Variants in STPG2 observed in about 807,000 individuals in gnomAD.
STPG2 encodes the protein sperm tail PG-rich repeat containing 2, also known as sperm-tail PG-rich repeat-containing protein 2.
In STPG2, 56 loss-of-function variants were observed where a neutral mutation model predicts 54.2. The ratio of observed to expected loss-of-function variants is 1.03; its 90% CI spans 0.83 to 1.29. STPG2 has a LOEUF of 1.29. Among genes scored for constraint, STPG2 ranks in the 50% most tolerant of loss-of-function variants. STPG2 has a pLI of 0.00. For missense variants in STPG2, 596 were observed against 544.9 expected (o/e 1.09, Z -0.93); for synonymous variants, 200 against 181.8 (o/e 1.10, Z -0.81).
At chr4:98,020,875 C>G (rs1360591377) in intron 5 of STPG2, among the ~76,000 whole-genome samples, 2 of 152,184 alleles carry the variant, frequency 1.3e-5, no homozygotes, top group East Asian at 3.9e-4. Context: ...TCCCCTTTAT[C>G]ATTTTTTATT....
chr4:97,496,537 G>A (rs922124549), intron 4 of STPG2, among the ~76,000 whole-genome samples: 2 of 151,832 alleles, frequency 1.3e-5, no homozygotes, highest in Middle Eastern at 3.4e-3. Context: ...GCACTGCCAT[G>A]GTTACCCAGC....
chr4:97,621,255 C>A (rs1734002723), intron 10 of STPG2, among the ~76,000 whole-genome samples: 1 of 151,918 alleles, frequency 6.6e-6, no homozygotes, highest in African/African-American at 2.4e-5. Context: ...AGCAAATAAA[C>A]CCCAAAACTA....
intron 9 of STPG2, among the ~76,000 whole-genome samples, chr4:97,782,867 G>A (rs1046461653): frequency 1.3e-4 from 20 of 152,168 alleles, no homozygotes; most frequent in Middle Eastern, 3.2e-3. Flanking sequence ...TGGGAAAACC[G>A]GCTAGCCATA....
chr4:97,678,422 G>C (rs1001652768), intron 10 of STPG2, among the ~76,000 whole-genome samples: 5 of 151,874 alleles, frequency 3.3e-5, no homozygotes, highest in Non-Finnish European at 5.9e-5. Flanking sequence ...TAATAGTTTA[G>C]GGTAGATATA....
At chr4:97,741,701 A>G (rs1318473855) in intron 9 of STPG2, among the ~76,000 whole-genome samples, 3 of 152,138 alleles carry the variant, frequency 2.0e-5, no homozygotes, top group African/African-American at 7.2e-5. Context: ...AATCATTAAA[A>G]AGTCAGGAAA....
chr4:97,499,314 A>G (rs1730676910), intron 4 of STPG2, among the ~76,000 whole-genome samples: 1 of 152,016 alleles, frequency 6.6e-6, no homozygotes. Context: ...ATTCAGCTGC[A>G]GCTAAGGCAT....
intron 8 of STPG2, among the ~76,000 whole-genome samples, chr4:97,903,619 C>T (rs557619525): frequency 5.3e-5 from 8 of 152,224 alleles, no homozygotes; most frequent in African/African-American, 1.7e-4. Flanking sequence ...CCAAGATGGC[C>T]GAATAGCAAC....
intron 10 of STPG2, among the ~76,000 whole-genome samples, chr4:97,707,453 C>T (rs1207717077): frequency 6.6e-6 from 1 of 151,934 alleles, no homozygotes; most frequent in East Asian, 1.9e-4. Context: ...CCTAGGAGGT[C>T]AAGGCTACAG....
Position 98,088,869 on chromosome 4 carries a change from A to G in STPG2, c.612+17084T>C, listed in dbSNP as rs1369261186. Among the ~76,000 whole-genome samples the G allele has an allele frequency of 2.0e-5, 3 of 152,094 alleles. No individual in the cohort carries two copies. In the South Asian group the frequency reaches 6.2e-4, roughly 31 times the overall value. ...CACTGCTATCTGCTGTCTTCAACTTAGTCCAGTGCTTTGCTAAAGTAACCA... is the reference window on the plus strand; with the variant it reads ...CACTGCTATCTGCTGTCTTCAACTTGGTCCAGTGCTTTGCTAAAGTAACCA... On this transcript the variant is annotated intron_variant, in intron 5 of 10. Transcript: ENST00000295268.
At chr4:97,937,513 G>A (rs1015513205) in intron 8 of STPG2, among the ~76,000 whole-genome samples, 8 of 152,300 alleles carry the variant, frequency 5.3e-5, no homozygotes, top group South Asian at 2.1e-4. Flanking sequence ...ATCTTCGTGA[G>A]TTTGTCTAGT....
rs547971425 is a variant in STPG2 at position 97,914,431 on chromosome 4, G to T, written c.1044+29466C>A. On this transcript the variant is annotated intron_variant, in intron 8 of 10. Coordinates refer to ENST00000295268, the MANE Select transcript of STPG2 (RefSeq NM_174952.3). The stretch of plus-strand genomic sequence containing the variant: ...AAGATTTTTTTTAACTTTTTTTATT[G>T]TTGTAAGACACATAAAATGTATCAT... Among the ~76,000 whole-genome samples, 13 of 152,136 alleles carry T rather than the reference G, an allele frequency of 8.5e-5. No homozygotes were observed. In the East Asian group the frequency reaches 2.1e-3, roughly 25 times the overall value.
intron 9 of STPG2, among the ~76,000 whole-genome samples, chr4:97,827,201 T>C (rs1728285296): frequency 6.6e-6 from 1 of 152,148 alleles, no homozygotes; most frequent in Admixed American, 6.5e-5. Context: ...TTGTTTTGTT[T>C]TTCAGAGTTA....
At chr4:97,934,477 G>C (rs977234020) in intron 8 of STPG2, among the ~76,000 whole-genome samples, 1 of 152,126 alleles carries the variant, frequency 6.6e-6, no homozygotes, top group African/African-American at 2.4e-5. Flanking sequence ...TTCCCACTCA[G>C]TATGATATTA....
intron 8 of STPG2, among the ~76,000 whole-genome samples, chr4:97,932,470 G>C (rs986851126): frequency 2.0e-5 from 3 of 152,066 alleles, no homozygotes; most frequent in African/African-American, 7.2e-5. Flanking sequence ...TCATCAACTA[G>C]GTATTAAGCC....
chr4:98,029,112 T>C (rs1736516056), intron 5 of STPG2, among the ~76,000 whole-genome samples: 1 of 152,142 alleles, frequency 6.6e-6, no homozygotes, highest in Non-Finnish European at 1.5e-5. Context: ...ATGTTCTATC[T>C]TGGTAAATGT....
At chr4:97,477,673 G>C (rs1012548819) in intron 4 of STPG2, among the ~76,000 whole-genome samples, 11 of 149,378 alleles carry the variant, frequency 7.4e-5, no homozygotes, top group African/African-American at 2.7e-4. Context: ...TGTATTTTTA[G>C]TAGAGATGGG....
intron 9 of STPG2, among the ~76,000 whole-genome samples, chr4:97,737,107 G>A (rs1035368142): frequency 1.3e-5 from 2 of 152,190 alleles, no homozygotes; most frequent in African/African-American, 4.8e-5. Flanking sequence ...CCAGGGTCTG[G>A]AGTGGACCTC....
intron 10 of STPG2, among the ~76,000 whole-genome samples, chr4:97,634,649 G>A (rs1259736502): frequency 2.0e-5 from 3 of 151,842 alleles, no homozygotes; most frequent in South Asian, 2.1e-4. Context: ...GCTTAAAGGA[G>A]CTGATGGAGC....
chr4:98,071,807 A>G (rs1241821029), intron 5 of STPG2, among the ~76,000 whole-genome samples: 2 of 152,212 alleles, frequency 1.3e-5, no homozygotes, highest in Admixed American at 1.3e-4. Flanking sequence ...TATGAAAAAA[A>G]GCTCAACATC....
Sources: gnomAD v4.1 joint callset for allele counts (sites outside exome capture counted in the v4.1 genomes callset) on GRCh38, gnomAD v4.1.1 for gene constraint, MANE v1.5 for transcripts, NCBI Gene and HGNC (gene_info 2026-07-23, HGNC 2026-07-21) for gene names.